OSBP2: variants seen among roughly 807,000 people sequenced by gnomAD.
OSBP2 encodes the protein oxysterol-binding protein 2.
Under a neutral mutation model 96.0 loss-of-function variants are expected in OSBP2, and 66 were observed. The observed-to-expected ratio is 0.69, with a 90% CI of 0.56 to 0.84. OSBP2 has a LOEUF of 0.84. OSBP2 is among the 40% of genes least tolerant of loss of function. The pLI, the probability that OSBP2 is intolerant of heterozygous loss-of-function variation, is 0.00. For synonymous variants in OSBP2, 525 were observed against 520.9 expected (o/e 1.01, Z -0.11); for missense variants, 1,038 against 1,222.7 (o/e 0.85, Z 2.25).
intron 2 of OSBP2, among the ~76,000 whole-genome samples, chr22:30,799,755 C>G (rs2090823878): frequency 6.6e-6 from 1 of 152,234 alleles, no homozygotes; most frequent in Non-Finnish European, 1.5e-5. Flanking sequence ...TGGAGCAGTC[C>G]ATCACTGGCA....
At chr22:30,820,889 C>T (rs111670108) in intron 2 of OSBP2, among the ~76,000 whole-genome samples, 6 of 152,162 alleles carry the variant, frequency 3.9e-5, no homozygotes, top group African/African-American at 1.4e-4. Context: ...TACTCAGTTG[C>T]CTCAAAGGCC....
intron 2 of OSBP2, among the ~76,000 whole-genome samples, chr22:30,867,091 G>C (rs1454480723): frequency 6.6e-6 from 1 of 152,160 alleles, no homozygotes; most frequent in Non-Finnish European, 1.5e-5. Flanking sequence ...GCCTATGACG[G>C]GTAGTTCACG....
chr22:30,764,487 G>A (rs1366106601), intron 2 of OSBP2: 29 of 789,084 alleles, frequency 3.7e-5, no homozygotes, highest in Non-Finnish European at 4.3e-5. Context: ...TTCTGGCTCT[G>A]TAAACAGCTC....
At chr22:30,813,468 C>A (rs986595002) in intron 2 of OSBP2, among the ~76,000 whole-genome samples, 1 of 151,886 alleles carries the variant, frequency 6.6e-6, no homozygotes, top group Non-Finnish European at 1.5e-5. Flanking sequence ...GCCACTGCGC[C>A]CAGCCACAAT....
intron 2 of OSBP2, among the ~76,000 whole-genome samples, chr22:30,776,114 TC>T (rs1235133301): frequency 6.3e-5 from 5 of 79,170 alleles, no homozygotes; most frequent in Non-Finnish European, 1.0e-4. Flanking sequence ...CTTTTTCTTT[TC>T]TTTTTTTTTT....
intron 2 of OSBP2, among the ~76,000 whole-genome samples, chr22:30,816,878 G>T (rs1324919941): frequency 6.6e-6 from 1 of 152,112 alleles, no homozygotes; most frequent in Non-Finnish European, 1.5e-5. Flanking sequence ...TGGGATTACA[G>T]GTGTACGCAC....
intron 2 of OSBP2, among the ~76,000 whole-genome samples, chr22:30,853,628 G>A (rs1230022995): frequency 1.3e-5 from 2 of 151,936 alleles, no homozygotes; most frequent in Non-Finnish European, 2.9e-5. Flanking sequence ...GTGCTGAGAC[G>A]ATTTTAATAT....
At chr22:30,749,767 C>G (rs915114498) in intron 2 of OSBP2, among the ~76,000 whole-genome samples, 1 of 152,132 alleles carries the variant, frequency 6.6e-6, no homozygotes, top group African/African-American at 2.4e-5. Context: ...GCCACCATGC[C>G]TGGCTGATTT....
intron 12 of OSBP2, chr22:30,902,086 C>A: frequency 2.6e-6 from 1 of 388,274 alleles, no homozygotes. Flanking sequence ...CATGAAGCAA[C>A]GTAGGTAAAT....
At position 30,695,490 on chromosome 22, in the gene OSBP2, A is replaced by G. The variant is rs1364968575; in HGVS notation, c.581A>G (p.Asn194Ser). 1 of 1,613,098 alleles carries G rather than the reference A, an allele frequency of 6.2e-7. No individual in the cohort carries two copies. The highest frequency in any genetic ancestry group is 1.3e-5 in the African/African-American group (1 of 74,942). Residue 194 changes from asparagine to serine, a missense_variant, in exon 1 of 14, where the codon AAC becomes AGC. This residue lies in a region of OSBP2 where 281 missense variants were observed against 273.4 expected (regional missense o/e 1.03). Coordinates refer to ENST00000332585, the MANE Select transcript of OSBP2 (RefSeq NM_030758.4). ...GAGGGCTGGCTTCTCAAGTGGACCAACTATCTGAAGGGCTACCAGCGCCGC... is the reference window on the plus strand; with the variant it reads ...GAGGGCTGGCTTCTCAAGTGGACCAGCTATCTGAAGGGCTACCAGCGCCGC... The part of the protein sequence containing the change: ...SFEGWLLKWT[N>S]YLKGYQRRWF...
At chr22:30,823,847 C>T (rs1456483305) in intron 2 of OSBP2, among the ~76,000 whole-genome samples, 1 of 152,320 alleles carries the variant, frequency 6.6e-6, no homozygotes, top group Admixed American at 6.5e-5. Context: ...TCTTAGTTTC[C>T]AGTTTTTATT....
At chr22:30,718,807 C>T (rs762445604) in intron 1 of OSBP2, among the ~76,000 whole-genome samples, 1 of 152,170 alleles carries the variant, frequency 6.6e-6, no homozygotes, top group Non-Finnish European at 1.5e-5. Context: ...GCCCTTGCTC[C>T]TGAGCCCTGG....
intron 2 of OSBP2, among the ~76,000 whole-genome samples, chr22:30,748,085 C>T (rs2090028633): frequency 6.6e-6 from 1 of 152,050 alleles, no homozygotes; most frequent in African/African-American, 2.4e-5. Context: ...CCATGTTGGG[C>T]AGGCTGGTCT....
At chr22:30,830,623 T>C (rs1021912428) in intron 2 of OSBP2, among the ~76,000 whole-genome samples, 4 of 152,236 alleles carry the variant, frequency 2.6e-5, no homozygotes, top group African/African-American at 9.6e-5. Flanking sequence ...GCAAAATCCC[T>C]TCCCCAAATC....
At chr22:30,810,841 A>C (rs1602297616) in intron 2 of OSBP2, among the ~76,000 whole-genome samples, 1 of 151,328 alleles carries the variant, frequency 6.6e-6, no homozygotes, top group Non-Finnish European at 1.5e-5. Context: ...CTGCCCAAAA[A>C]CTCACCCAAG....
intron 1 of OSBP2, among the ~76,000 whole-genome samples, chr22:30,707,957 G>A (rs941899355): frequency 1.3e-5 from 2 of 150,866 alleles, no homozygotes; most frequent in African/African-American, 4.9e-5. Context: ...GTGCAGTCTT[G>A]GCTCACTGCA....
intron 2 of OSBP2, among the ~76,000 whole-genome samples, chr22:30,799,183 C>T (rs2090815946): frequency 1.3e-5 from 2 of 151,252 alleles, no homozygotes; most frequent in South Asian, 4.2e-4. Flanking sequence ...AATCTCAGCT[C>T]ACTGCAGCCT....
At chr22:30,693,873 G>A, upstream of OSBP2, 1 of 560,900 alleles carries the variant, frequency 1.8e-6, no homozygotes, top group Non-Finnish European at 3.2e-6. Context: ...GCCAAGGCAG[G>A]AGAATCGCTT....
At chr22:30,808,995 C>T (rs927423066) in intron 2 of OSBP2, among the ~76,000 whole-genome samples, 4 of 152,066 alleles carry the variant, frequency 2.6e-5, no homozygotes, top group African/African-American at 7.2e-5. Flanking sequence ...CAGAGGAGAC[C>T]ACCAGGTGAA....
Sources: gnomAD v4.1 joint callset for allele counts (sites outside exome capture counted in the v4.1 genomes callset) on GRCh38, gnomAD v4.1.1 for gene constraint, gnomAD v4.1.1 regional missense constraint, MANE v1.5 for transcripts, NCBI Gene and HGNC (gene_info 2026-07-23, HGNC 2026-07-21) for gene names.